SLC35F2: variants seen among roughly 807,000 people sequenced by gnomAD.
SLC35F2 encodes queuine/queuosine transporter SLC35F2.
Under a neutral mutation model 38.1 loss-of-function variants are expected in SLC35F2, and 25 were observed. That is an observed-to-expected ratio of 0.66 (90% CI 0.48 to 0.92). The LOEUF (loss-of-function observed/expected upper bound fraction) is 0.92. SLC35F2 is among the 40% of genes least tolerant of loss of function. The pLI, the probability that SLC35F2 is intolerant of heterozygous loss-of-function variation, is 0.00. For missense variants in SLC35F2, 409 were observed against 452.9 expected (o/e 0.90, Z 0.88); for synonymous variants, 173 against 181.7 (o/e 0.95, Z 0.38).
chr11:107,823,571 G>A (rs1226076497), intron 1 of SLC35F2, among the ~76,000 whole-genome samples: 1 of 152,150 alleles, frequency 6.6e-6, no homozygotes, highest in African/African-American at 2.4e-5. Flanking sequence ...CTGCACATAA[G>A]CTACCCAGTT....
rs150299192 is a variant in SLC35F2 at position 107,852,549 on chromosome 11, T to C, written c.110+6109A>G. On this transcript the variant is annotated intron_variant, in intron 1 of 7. Transcript: ENST00000525815. ...TGGAGCAACAGTGCGAGACTCCACCTCAAAAAAAAAAAAAAAATACAAAAT... is the reference window on the plus strand; with the variant it reads ...TGGAGCAACAGTGCGAGACTCCACCCCAAAAAAAAAAAAAAAATACAAAAT... 2.1e-3 allele frequency among the ~76,000 whole-genome samples: 97 copies of C among 46,384 alleles called. 2 individuals are homozygous for C. The Middle Eastern group carries it at 0.059, about 28-fold the overall frequency. The allele number at this position is 46,384 out of a possible 152,430, so 30.4% of individuals were successfully genotyped here.
intron 3 of SLC35F2, among the ~76,000 whole-genome samples, chr11:107,807,351 A>G (rs1230823521): frequency 6.6e-6 from 1 of 151,032 alleles, no homozygotes; most frequent in African/African-American, 2.4e-5. Context: ...TTGGGAGGCT[A>G]AGGTGAGAGG....
chr11:107,856,058 T>C (rs1383530956), intron 1 of SLC35F2, among the ~76,000 whole-genome samples: 1 of 144,586 alleles, frequency 6.9e-6, no homozygotes, highest in Non-Finnish European at 1.5e-5. Flanking sequence ...TGAGCCATGA[T>C]CGTGCCGCTG....
At chr11:107,853,185 T>C (rs1378094743) in intron 1 of SLC35F2, among the ~76,000 whole-genome samples, 1 of 152,218 alleles carries the variant, frequency 6.6e-6, no homozygotes, top group African/African-American at 2.4e-5. Flanking sequence ...TCAGGCTTCA[T>C]AATCACGATC....
intron 7 of SLC35F2, among the ~76,000 whole-genome samples, chr11:107,798,887 C>T (rs1283902998): frequency 6.6e-6 from 1 of 152,128 alleles, no homozygotes; most frequent in Non-Finnish European, 1.5e-5. Flanking sequence ...ACCAGCCTGG[C>T]CAACATAGTG....
At chr11:107,801,384 T>C (rs1389346268) in intron 7 of SLC35F2, among the ~76,000 whole-genome samples, 1 of 152,050 alleles carries the variant, frequency 6.6e-6, no homozygotes, top group African/African-American at 2.4e-5. Flanking sequence ...AGTAAAGAGA[T>C]TTTTTAAATA....
intron 7 of SLC35F2, among the ~76,000 whole-genome samples, chr11:107,794,377 C>G (rs544368604): frequency 1.3e-5 from 2 of 152,216 alleles, no homozygotes; most frequent in South Asian, 4.1e-4. Flanking sequence ...CCACGCCTGG[C>G]CATCAGTATG....
In SLC35F2 at chr11:107,838,715, G is replaced by A. The variant is rs574522342; in HGVS notation, c.110+19943C>T. The stretch of plus-strand genomic sequence containing the variant: ...GCTATCTCATCTCACTGCAACCTCT[G>A]CCTCCTGGGTTCAAGCGATTCTCCT... On this transcript the variant is annotated intron_variant, in intron 1 of 7. Transcript: ENST00000525815. Among the ~76,000 whole-genome samples, 62 of 140,654 alleles carry A rather than the reference G, an allele frequency of 4.4e-4. 2 individuals are homozygous for A. The highest frequency in any genetic ancestry group is 1.6e-3 in the African/African-American group (60 of 37,310). The allele number at this position is 140,654 out of a possible 152,430, so 92.3% of individuals were successfully genotyped here.
At chr11:107,827,580 C>T (rs187287193) in intron 1 of SLC35F2, among the ~76,000 whole-genome samples, 2 of 152,282 alleles carry the variant, frequency 1.3e-5, no homozygotes, top group Admixed American at 1.3e-4. Flanking sequence ...GAAACCCCAT[C>T]TCTACTAAAA....
At chr11:107,845,480 CACTGCACTCCA>C (rs139167622) in intron 1 of SLC35F2, among the ~76,000 whole-genome samples, 387 of 152,098 alleles carry the variant, frequency 2.5e-3, no homozygotes, top group African/African-American at 9.0e-3. Flanking sequence ...ATGTTTGTGC[CACTGCACTCCA>C]GCCTGGGTGA....
At chr11:107,849,967 C>T (rs1860152389) in intron 1 of SLC35F2, among the ~76,000 whole-genome samples, 1 of 152,170 alleles carries the variant, frequency 6.6e-6, no homozygotes, top group South Asian at 2.1e-4. Context: ...ATTAATAAAA[C>T]AGGTTCAGGC....
intron 1 of SLC35F2, among the ~76,000 whole-genome samples, chr11:107,822,441 G>A (rs1368117835): frequency 6.6e-6 from 1 of 152,056 alleles, no homozygotes; most frequent in African/African-American, 2.4e-5. Flanking sequence ...AAAGTTCAAT[G>A]GTTGTTAATA....
chr11:107,803,262 T>G (rs1325836742), intron 6 of SLC35F2, 107 bp from the exon 7 acceptor site: 3 of 1,347,686 alleles, frequency 2.2e-6, no homozygotes, highest in Non-Finnish European at 2.9e-6. Flanking sequence ...TAACATATTA[T>G]GTACAAAGCC....
intron 1 of SLC35F2, among the ~76,000 whole-genome samples, chr11:107,831,226 T>C (rs989644738): frequency 6.6e-6 from 1 of 152,144 alleles, no homozygotes; most frequent in Non-Finnish European, 1.5e-5. Flanking sequence ...AACTTGGAAA[T>C]GTGTCAACCC....
At chr11:107,836,989 G>A (rs1425708249) in intron 1 of SLC35F2, among the ~76,000 whole-genome samples, 1 of 152,160 alleles carries the variant, frequency 6.6e-6, no homozygotes, top group African/African-American at 2.4e-5. Context: ...AAGCTGATTG[G>A]GAGCTACCTT....
intron 1 of SLC35F2, among the ~76,000 whole-genome samples, chr11:107,853,104 T>A (rs1289020693): frequency 1.3e-5 from 2 of 152,098 alleles, no homozygotes; most frequent in Non-Finnish European, 2.9e-5. Context: ...TGAAGTTCCT[T>A]AAGCAAAACA....
At chr11:107,807,541 C>A (rs1859414444) in intron 3 of SLC35F2, among the ~76,000 whole-genome samples, 1 of 151,512 alleles carries the variant, frequency 6.6e-6, no homozygotes. Flanking sequence ...CCTCTATGCT[C>A]CCACCTGTGT....
At chr11:107,842,664 T>TG (rs777204727) in intron 1 of SLC35F2, among the ~76,000 whole-genome samples, 47 of 152,218 alleles carry the variant, frequency 3.1e-4, no homozygotes, top group Non-Finnish European at 6.2e-4. Flanking sequence ...GGACTACAGG[T>TG]GTGTACCGCC....
At chr11:107,818,100 GAAA>G (rs1859610918) in intron 1 of SLC35F2, among the ~76,000 whole-genome samples, 1 of 130,292 alleles carries the variant, frequency 7.7e-6, no homozygotes, top group African/African-American at 3.4e-5. Context: ...AAGAAAGAAA[GAAA>G]GAAAGAAAGA....
Sources: gnomAD v4.1 joint callset for allele counts (sites outside exome capture counted in the v4.1 genomes callset) on GRCh38, gnomAD v4.1.1 for gene constraint, MANE v1.5 for transcripts, NCBI Gene and HGNC (gene_info 2026-07-23, HGNC 2026-07-21) for gene names.